Variants in CTNNA2 observed in about 807,000 individuals in gnomAD.
CTNNA2 encodes the protein catenin alpha-2.
CTNNA2 carries 42 observed loss-of-function variants against 101.0 expected under a neutral mutation model. The ratio of observed to expected loss-of-function variants is 0.42; its 90% CI spans 0.32 to 0.54. The LOEUF (loss-of-function observed/expected upper bound fraction) is 0.54. CTNNA2 is among the 20% of genes least tolerant of loss of function. The pLI is 0.14. For missense variants in CTNNA2, 871 were observed against 1,223.1 expected, an observed-to-expected ratio of 0.71 and a Z score of 4.29; for synonymous variants, 450 against 456.4, an observed-to-expected ratio of 0.99 and a Z score of 0.18.
intron 7 of CTNNA2, among the ~76,000 whole-genome samples, chr2:80,128,910 T>TCC (rs1702270175): frequency 6.6e-6 from 1 of 152,212 alleles, no homozygotes; most frequent in African/African-American, 2.4e-5. Context: ...TGCTCCTGGA[T>TCC]ATTGCCTACA....
intron 7 of CTNNA2, among the ~76,000 whole-genome samples, chr2:80,166,949 T>C (rs1224842708): frequency 6.6e-6 from 1 of 152,068 alleles, no homozygotes; most frequent in Non-Finnish European, 1.5e-5. Context: ...AAGTGTAAGA[T>C]ATTACAGAAA....
At chr2:79,223,939 C>T (rs1434197) in intron 2 of CTNNA2, among the ~76,000 whole-genome samples, 110,703 of 152,080 alleles carry the variant, frequency 0.73, 40,617 homozygotes, top group East Asian at 0.92. Flanking sequence ...GATTCTAATT[C>T]AGGTGGCCCA....
At chr2:80,245,366 G>GGTTATTAGT (rs1287723185) in intron 7 of CTNNA2, among the ~76,000 whole-genome samples, 3 of 152,110 alleles carry the variant, frequency 2.0e-5, no homozygotes, top group Admixed American at 2.0e-4. Context: ...TAGCTGAAGT[G>GGTTATTAGT]GTTATTAGTA....
At chr2:79,717,796 G>C (rs1348349393) in intron 2 of CTNNA2, among the ~76,000 whole-genome samples, 1 of 152,210 alleles carries the variant, frequency 6.6e-6, no homozygotes, top group Non-Finnish European at 1.5e-5. Flanking sequence ...GCCAACGTCA[G>C]AGACTGTATG....
At chr2:80,003,172 T>C (rs1429255234) in intron 7 of CTNNA2, among the ~76,000 whole-genome samples, 2 of 152,026 alleles carry the variant, frequency 1.3e-5, no homozygotes, top group East Asian at 3.9e-4. Flanking sequence ...CCAGGACAGG[T>C]TTATATTGAA....
At chr2:79,722,942 G>A (rs921190363) in intron 2 of CTNNA2, among the ~76,000 whole-genome samples, 5 of 152,162 alleles carry the variant, frequency 3.3e-5, no homozygotes, top group African/African-American at 1.2e-4. Flanking sequence ...TTCTACAAAA[G>A]TGAACCACCT....
At chr2:79,975,344 A>G (rs934675044) in intron 7 of CTNNA2, among the ~76,000 whole-genome samples, 1 of 152,128 alleles carries the variant, frequency 6.6e-6, no homozygotes, top group Non-Finnish European at 1.5e-5. Context: ...TTCCTACTCT[A>G]CTGTCACAAC....
In CTNNA2 at chr2:79,701,414, A is replaced by G. The variant is rs76576982; in HGVS notation, c.103-42973A>G. Reference sequence around the variant, plus strand: ...AAAGGCTAGTCTAACTTTCTTACCAATGTACCTGGGTCCCCTTGTCACTGT... The same window carrying G: ...AAAGGCTAGTCTAACTTTCTTACCAGTGTACCTGGGTCCCCTTGTCACTGT... On this transcript the variant is annotated intron_variant, in intron 2 of 18. Transcript: ENST00000402739. Among the ~76,000 whole-genome samples the G allele has an allele frequency of 7.3e-3, 1,112 of 152,216 alleles. 43 individuals are homozygous for G. In the East Asian group the frequency reaches 0.099, roughly 14 times the overall value.
At chr2:80,114,615 CT>C (rs1701415973) in intron 7 of CTNNA2, among the ~76,000 whole-genome samples, 1 of 152,318 alleles carries the variant, frequency 6.6e-6, no homozygotes, top group South Asian at 2.1e-4. Context: ...AGCACGCTGG[CT>C]TTCTGAGGGA....
chr2:79,363,269 G>A (rs1216087338), intron 3 of CTNNA2, among the ~76,000 whole-genome samples: 1 of 152,178 alleles, frequency 6.6e-6, no homozygotes, highest in Non-Finnish European at 1.5e-5. Flanking sequence ...GAGAGAACAA[G>A]CTCTCTACTG....
At chr2:80,535,051 A>G (rs1359502288) in intron 9 of CTNNA2, among the ~76,000 whole-genome samples, 3 of 152,304 alleles carry the variant, frequency 2.0e-5, no homozygotes, top group African/African-American at 7.2e-5. Flanking sequence ...TGAAATAAGC[A>G]GTGACAAAAA....
intron 2 of CTNNA2, among the ~76,000 whole-genome samples, chr2:79,220,351 C>T (rs974140067): frequency 6.6e-6 from 1 of 152,126 alleles, no homozygotes; most frequent in African/African-American, 2.4e-5. Flanking sequence ...CACTTTATTA[C>T]TGGCAGAACT....
chr2:79,783,895 C>A (rs1674640778), intron 3 of CTNNA2, among the ~76,000 whole-genome samples: 1 of 152,140 alleles, frequency 6.6e-6, no homozygotes, highest in Admixed American at 6.6e-5. Flanking sequence ...ATAATTCATT[C>A]AACATTTATT....
intron 3 of CTNNA2, among the ~76,000 whole-genome samples, chr2:79,833,443 C>CT (rs1462112813): frequency 6.6e-6 from 1 of 152,172 alleles, no homozygotes; most frequent in African/African-American, 2.4e-5. Context: ...ATCCTTCTCT[C>CT]TTTTCCTTGA....
chr2:80,241,167 A>G (rs1670907623), intron 7 of CTNNA2, among the ~76,000 whole-genome samples: 1 of 152,094 alleles, frequency 6.6e-6, no homozygotes, highest in African/African-American at 2.4e-5. Context: ...ACAAATTCAT[A>G]TCTAACCAAC....
chr2:80,537,250 T>C (rs931889304), intron 9 of CTNNA2, among the ~76,000 whole-genome samples: 1 of 152,218 alleles, frequency 6.6e-6, no homozygotes. Flanking sequence ...GAAAAGAACA[T>C]GAACCCATTC....
intron 7 of CTNNA2, among the ~76,000 whole-genome samples, chr2:80,342,812 A>G (rs1252015170): frequency 6.6e-6 from 1 of 152,226 alleles, no homozygotes; most frequent in African/African-American, 2.4e-5. Context: ...AAAATACTAC[A>G]CATTGGGTAG....
At chr2:80,053,420 G>A (rs1697006481) in intron 7 of CTNNA2, among the ~76,000 whole-genome samples, 3 of 152,182 alleles carry the variant, frequency 2.0e-5, no homozygotes, top group South Asian at 4.1e-4. Flanking sequence ...TATGAGATCT[G>A]TTATCATTCC....
intron 1 of CTNNA2, among the ~76,000 whole-genome samples, chr2:79,617,743 G>A (rs1678718797): frequency 1.3e-5 from 2 of 152,030 alleles, no homozygotes; most frequent in Admixed American, 6.5e-5. Flanking sequence ...TTTCCTATTC[G>A]TTAATGAGAA....
Sources: allele counts gnomAD v4.1 joint callset (sites outside exome capture counted in the v4.1 genomes callset), GRCh38; gene constraint gnomAD v4.1.1; transcripts MANE v1.5; gene names NCBI Gene and HGNC (gene_info 2026-07-23, HGNC 2026-07-21).